The following RIMS1 variants were observed in gnomAD, a reference collection of about 807,000 sequenced individuals.
RIMS1 encodes the protein regulating synaptic membrane exocytosis protein 1.
RIMS1 carries 83 observed loss-of-function variants against 214.1 expected under a neutral mutation model. The ratio of observed to expected loss-of-function variants is 0.39; its 90% CI spans 0.32 to 0.47. The LOEUF (loss-of-function observed/expected upper bound fraction) is 0.47. Ranked by LOEUF, RIMS1 falls within the 20% of genes least tolerant of loss-of-function variation. The pLI is 0.99. For missense variants in RIMS1, 2,050 were observed against 2,161.8 expected, an observed-to-expected ratio of 0.95 and a Z score of 1.03; for synonymous variants, 793 against 786.8, an observed-to-expected ratio of 1.01 and a Z score of -0.13.
intron 1 of RIMS1, among the ~76,000 whole-genome samples, chr6:71,935,159 C>A (rs1011641550): frequency 5.9e-5 from 9 of 152,128 alleles, no homozygotes; most frequent in African/African-American, 2.2e-4. Flanking sequence ...AAAAATTAAC[C>A]TAAAGAATTA....
intron 29 of RIMS1, 83 bp downstream of exon 29, chr6:72,333,918 A>C: frequency 1.0e-6 from 1 of 978,460 alleles, no homozygotes; most frequent in Non-Finnish European, 1.5e-6. Context: ...CTTGTGATGG[A>C]ATTGTGGCAT....
chr6:71,896,612 T>C (rs1771872218), intron 1 of RIMS1, among the ~76,000 whole-genome samples: 1 of 152,084 alleles, frequency 6.6e-6, no homozygotes, highest in African/African-American at 2.4e-5. Context: ...AGTAAGGTTG[T>C]GCAAATTAAA....
intron 4 of RIMS1, among the ~76,000 whole-genome samples, chr6:72,136,855 T>G (rs1056355917): frequency 6.6e-6 from 1 of 152,046 alleles, no homozygotes; most frequent in East Asian, 1.9e-4. Flanking sequence ...TAATACAGCC[T>G]CCTAAATATA....
intron 29 of RIMS1, among the ~76,000 whole-genome samples, chr6:72,378,204 T>A (rs1356872699): frequency 6.6e-6 from 1 of 152,188 alleles, no homozygotes; most frequent in East Asian, 1.9e-4. Context: ...TCAATTGTAC[T>A]TCTGTTTCAG....
At chr6:72,091,689 T>C (rs556489322) in intron 2 of RIMS1, among the ~76,000 whole-genome samples, 13 of 152,132 alleles carry the variant, frequency 8.5e-5, no homozygotes, top group African/African-American at 2.9e-4. Context: ...AATTATTATA[T>C]AGTGAAACAA....
At chr6:72,197,867 A>G (rs1473312187) in intron 6 of RIMS1, among the ~76,000 whole-genome samples, 1 of 152,112 alleles carries the variant, frequency 6.6e-6, no homozygotes, top group Non-Finnish European at 1.5e-5. Context: ...GAAACATAAG[A>G]GGAACTCCAA....
intron 6 of RIMS1, among the ~76,000 whole-genome samples, chr6:72,183,925 G>T (rs947216870): frequency 2.0e-5 from 3 of 152,178 alleles, no homozygotes; most frequent in African/African-American, 7.2e-5. Context: ...ACTACGTGGC[G>T]CCATTTGCAG....
At chr6:72,384,943 A>G (rs1386566262) in intron 29 of RIMS1, among the ~76,000 whole-genome samples, 1 of 152,198 alleles carries the variant, frequency 6.6e-6, no homozygotes, top group Non-Finnish European at 1.5e-5. Flanking sequence ...TAAATAAGCA[A>G]AGAGAGAAAG....
At chr6:72,212,762 C>A in intron 6 of RIMS1, 1 of 971,380 alleles carries the variant, frequency 1.0e-6, no homozygotes, top group African/African-American at 1.8e-5. Context: ...TTTCCTGAAT[C>A]CTGTGGATCT....
At chr6:71,986,842 T>G (rs1478175215) in intron 2 of RIMS1, among the ~76,000 whole-genome samples, 1 of 152,150 alleles carries the variant, frequency 6.6e-6, no homozygotes, top group Non-Finnish European at 1.5e-5. Flanking sequence ...TGTGTGAGAG[T>G]GCTTTTGACT....
intron 1 of RIMS1, among the ~76,000 whole-genome samples, chr6:71,947,696 G>A (rs1044874979): frequency 6.6e-6 from 1 of 152,028 alleles, no homozygotes; most frequent in African/African-American, 2.4e-5. Context: ...GATTTTAAAT[G>A]TTCTTGCCAC....
At chr6:72,025,411 C>A (rs546379655) in intron 2 of RIMS1, among the ~76,000 whole-genome samples, 1 of 152,314 alleles carries the variant, frequency 6.6e-6, no homozygotes, top group African/African-American at 2.4e-5. Flanking sequence ...TAATCTACTT[C>A]AATGTCCTGC....
At position 71,918,214 on chromosome 6, in the gene RIMS1, T is replaced by G. The variant is rs1227373140; in HGVS notation, c.164+31027T>G. ...GATTAGCTGTGGGAGTGCTAATTATTAAATGGAGAGAAGAGGATGCAGAGC... is the reference window on the plus strand; with the variant it reads ...GATTAGCTGTGGGAGTGCTAATTATGAAATGGAGAGAAGAGGATGCAGAGC... On this transcript the variant is annotated intron_variant, in intron 1 of 33. Coordinates refer to ENST00000521978, the MANE Select transcript of RIMS1 (RefSeq NM_014989.7). Among the ~76,000 whole-genome samples the G allele has an allele frequency of 2.0e-5, 3 of 151,780 alleles. No homozygotes were observed. The East Asian group carries it at 5.8e-4, about 29-fold the overall frequency.
chr6:71,967,917 T>C (rs1312283726), intron 1 of RIMS1, among the ~76,000 whole-genome samples: 1 of 152,146 alleles, frequency 6.6e-6, no homozygotes, highest in Non-Finnish European at 1.5e-5. Context: ...AGCCTTAAGC[T>C]CTGGGAAAAC....
chr6:72,242,164 T>A, intron 9 of RIMS1, 150 bp from the exon 10 acceptor site: 2 of 616,484 alleles, frequency 3.2e-6, no homozygotes, highest in Non-Finnish European at 5.6e-6. Flanking sequence ...TTAGCTGACA[T>A]TATATGGCAA....
At chr6:72,196,377 G>GTCTGTCTGTCTGTCTATCTA (rs1554269277) in intron 6 of RIMS1, among the ~76,000 whole-genome samples, 4 of 144,088 alleles carry the variant, frequency 2.8e-5, no homozygotes, top group South Asian at 2.2e-4. Flanking sequence ...CTGTCTGTCT[G>GTCTGTCTGTCTGTCTATCTA]TCTATCTATC....
intron 19 of RIMS1, 75 bp downstream of exon 19, chr6:72,260,842 C>G: frequency 2.5e-6 from 4 of 1,573,120 alleles, no homozygotes; most frequent in Admixed American, 1.8e-5. Context: ...CCGTCTCTCC[C>G]TTAGTGGTAT....
chr6:71,905,373 A>G lies in RIMS1; in HGVS notation c.164+18186A>G, dbSNP rs186497466. Reference sequence around the variant, plus strand: ...AGTGTGAATCAGGTGGCCCTCTTCTATCTTGAAGCAGTGATCCCTGAAACA... The same window carrying G: ...AGTGTGAATCAGGTGGCCCTCTTCTGTCTTGAAGCAGTGATCCCTGAAACA... On this transcript the variant is annotated intron_variant, in intron 1 of 33. Coordinates refer to ENST00000521978, the MANE Select transcript of RIMS1 (RefSeq NM_014989.7). 2.1e-3 allele frequency among the ~76,000 whole-genome samples: 326 copies of G among 152,202 alleles called. 1 individual carries two copies. The highest frequency in any genetic ancestry group is 3.6e-3 in the Non-Finnish European group (245 of 68,010).
intron 10 of RIMS1, 27 bp downstream of exon 10, chr6:72,242,464 A>T (rs2067356562): frequency 6.7e-7 from 1 of 1,489,814 alleles, no homozygotes; most frequent in African/African-American, 1.4e-5. Flanking sequence ...TTACTTCTTA[A>T]GTTTAGTAAA....
Sources: allele counts gnomAD v4.1 joint callset (sites outside exome capture counted in the v4.1 genomes callset), GRCh38; gene constraint gnomAD v4.1.1; transcripts MANE v1.5; gene names NCBI Gene and HGNC (gene_info 2026-07-23, HGNC 2026-07-21).